MACROD2: variants seen among roughly 807,000 people sequenced by gnomAD.
MACROD2 encodes mono-ADP ribosylhydrolase 2.
In MACROD2, 36 loss-of-function variants were observed where a neutral mutation model predicts 70.4. That is an observed-to-expected ratio of 0.51 (90% CI 0.39 to 0.68). MACROD2 has a LOEUF of 0.68. Among genes scored for constraint, MACROD2 ranks in the 30% least tolerant of loss-of-function variants. The probability of loss-of-function intolerance (pLI) is 0.00; values close to 1 mark genes in which losing one functional copy is unlikely to be tolerated. For missense variants in MACROD2, 496 were observed against 538.4 expected (o/e 0.92, Z 0.78); for synonymous variants, 172 against 178.8 (o/e 0.96, Z 0.30).
At chr20:15,281,341 A>C (rs1304278171) in intron 6 of MACROD2, among the ~76,000 whole-genome samples, 12 of 152,210 alleles carry the variant, frequency 7.9e-5, no homozygotes, top group Admixed American at 7.9e-4. Flanking sequence ...TTTCAGCATT[A>C]ACTCAAAAAT....
intron 3 of MACROD2, among the ~76,000 whole-genome samples, chr20:14,300,712 C>T (rs2082467434): frequency 6.6e-6 from 1 of 152,124 alleles, no homozygotes; most frequent in Non-Finnish European, 1.5e-5. Context: ...GCTCAGAGTC[C>T]ATCCTGTGTT....
chr20:15,210,005 C>T (rs1394809521), intron 5 of MACROD2, among the ~76,000 whole-genome samples: 1 of 152,196 alleles, frequency 6.6e-6, no homozygotes, highest in Non-Finnish European at 1.5e-5. Context: ...TCCCTGTGAT[C>T]AGCTAACATA....
At chr20:15,885,732 GTATT>G in intron 9 of MACROD2, 28 bp from the exon 10 acceptor site, 2 of 1,450,606 alleles carry the variant, frequency 1.4e-6, no homozygotes, top group Non-Finnish European at 1.8e-6. Context: ...TTTCATATAA[GTATT>G]TCTTTATGTT....
At chr20:15,148,478 G>A (rs574610301) in intron 5 of MACROD2, among the ~76,000 whole-genome samples, 1 of 152,000 alleles carries the variant, frequency 6.6e-6, no homozygotes, top group African/African-American at 2.4e-5. Flanking sequence ...GTGGCGGTTT[G>A]GGGATAGCAT....
chr20:14,600,343 T>TATATATATATATATATATACACAC (rs1320891260), intron 4 of MACROD2, among the ~76,000 whole-genome samples: 2 of 130,222 alleles, frequency 1.5e-5, no homozygotes, highest in African/African-American at 6.3e-5. Context: ...TATATATATA[T>TATATATATATATATATATACACAC]ACACACACAC....
chr20:14,404,984 A>G (rs1262951912), intron 3 of MACROD2, among the ~76,000 whole-genome samples: 2 of 152,184 alleles, frequency 1.3e-5, no homozygotes, highest in African/African-American at 2.4e-5. Flanking sequence ...ATTCCAGGCA[A>G]TTATCAACTG....
At chr20:15,266,960 G>A (rs183646861) in intron 6 of MACROD2, among the ~76,000 whole-genome samples, 65 of 152,352 alleles carry the variant, frequency 4.3e-4, no homozygotes, top group Non-Finnish European at 7.5e-4. Context: ...TAGAGGAATT[G>A]TTCTTGTGGC....
intron 8 of MACROD2, among the ~76,000 whole-genome samples, chr20:15,515,824 C>A (rs539159875): frequency 6.6e-6 from 1 of 152,204 alleles, no homozygotes; most frequent in Non-Finnish European, 1.5e-5. Flanking sequence ...CAGCCAGACT[C>A]TGGATGTAGC....
chr20:15,282,747 G>A (rs1027717307), intron 6 of MACROD2, among the ~76,000 whole-genome samples: 9 of 152,110 alleles, frequency 5.9e-5, no homozygotes, highest in Admixed American at 2.0e-4. Flanking sequence ...CTTCTTCTGA[G>A]CCCTCCAAAC....
intron 15 of MACROD2, among the ~76,000 whole-genome samples, chr20:15,989,618 T>A (rs1030992247): frequency 2.0e-5 from 3 of 152,174 alleles, no homozygotes; most frequent in African/African-American, 7.2e-5. Flanking sequence ...TATTAAAAAG[T>A]CTTGTTTGAA....
intron 3 of MACROD2, among the ~76,000 whole-genome samples, chr20:14,260,680 T>C (rs1365606602): frequency 6.6e-6 from 1 of 152,244 alleles, no homozygotes; most frequent in Non-Finnish European, 1.5e-5. Context: ...GTTTAAATCA[T>C]ATATCTATCA....
intron 4 of MACROD2, among the ~76,000 whole-genome samples, chr20:14,651,656 G>C (rs565372636): frequency 6.6e-6 from 1 of 152,320 alleles, no homozygotes; most frequent in African/African-American, 2.4e-5. Context: ...GGCATGTCAG[G>C]AAGTTCAAGT....
intron 5 of MACROD2, among the ~76,000 whole-genome samples, chr20:15,080,484 C>G (rs1282975449): frequency 6.6e-6 from 1 of 152,120 alleles, no homozygotes; most frequent in Admixed American, 6.6e-5. Context: ...TTTTCTCTTA[C>G]TTTATTAGCT....
chr20:14,509,246 G>T (rs949746911), intron 4 of MACROD2, among the ~76,000 whole-genome samples: 1 of 151,862 alleles, frequency 6.6e-6, no homozygotes, highest in Non-Finnish European at 1.5e-5. Flanking sequence ...TGTTGTTACT[G>T]CATTATTTAT....
intron 6 of MACROD2, among the ~76,000 whole-genome samples, chr20:15,242,217 C>T (rs1340993504): frequency 6.6e-6 from 1 of 152,130 alleles, no homozygotes; most frequent in Non-Finnish European, 1.5e-5. Flanking sequence ...AGGCGGACCT[C>T]CAAAGAGGGA....
intron 3 of MACROD2, among the ~76,000 whole-genome samples, chr20:14,223,600 C>T (rs373862655): frequency 3.3e-5 from 5 of 151,186 alleles, no homozygotes; most frequent in Admixed American, 3.3e-4. Context: ...CTCTGCCTCC[C>T]GGGTTCAAAT....
intron 3 of MACROD2, among the ~76,000 whole-genome samples, chr20:14,246,810 G>A (rs778835861): frequency 3.9e-5 from 6 of 152,032 alleles, no homozygotes; most frequent in Non-Finnish European, 8.8e-5. Context: ...CTCTTATTCA[G>A]CCTTCCCTCA....
chr20:15,994,234 A>T (rs151048493), intron 15 of MACROD2, among the ~76,000 whole-genome samples: 3 of 152,290 alleles, frequency 2.0e-5, no homozygotes, highest in African/African-American at 4.8e-5. Context: ...CTGCTATTCT[A>T]CATTTTATAT....
At chr20:14,460,649 G>A (rs1050482228) in intron 3 of MACROD2, among the ~76,000 whole-genome samples, 5 of 151,994 alleles carry the variant, frequency 3.3e-5, no homozygotes, top group African/African-American at 9.7e-5. Flanking sequence ...GAATTTTATT[G>A]AAGGCCTTTT....
Sources: allele counts gnomAD v4.1 joint callset (sites outside exome capture counted in the v4.1 genomes callset), GRCh38; gene constraint gnomAD v4.1.1; transcripts MANE v1.5; gene names NCBI Gene and HGNC (gene_info 2026-07-23, HGNC 2026-07-21).